The following LCLAT1 variants were observed in gnomAD, a reference collection of about 807,000 sequenced individuals.
LCLAT1 encodes lysocardiolipin acyltransferase 1, also known as 1-AGP acyltransferase 8.
LCLAT1 carries 11 observed loss-of-function variants against 30.7 expected under a neutral mutation model. The ratio of observed to expected loss-of-function variants is 0.36; its 90% CI spans 0.23 to 0.59. LCLAT1 has a LOEUF of 0.59. Among genes scored for constraint, LCLAT1 ranks in the 20% least tolerant of loss-of-function variants. LCLAT1 has a pLI of 0.77. For synonymous variants in LCLAT1, 155 were observed against 151.3 expected, an observed-to-expected ratio of 1.02 and a Z score of -0.18; for missense variants, 402 against 458.6, an observed-to-expected ratio of 0.88 and a Z score of 1.13.
intron 5 of LCLAT1, among the ~76,000 whole-genome samples, chr2:30,610,442 GATTTA>G (rs1667682796): frequency 6.6e-6 from 1 of 152,214 alleles, no homozygotes; most frequent in Non-Finnish European, 1.5e-5. Context: ...AGTACAGACT[GATTTA>G]ATTTAACATG....
chr2:30,490,896 T>C (rs1470169265), intron 1 of LCLAT1, among the ~76,000 whole-genome samples: 1 of 152,190 alleles, frequency 6.6e-6, no homozygotes, highest in East Asian at 1.9e-4. Flanking sequence ...GTTGTAAGTA[T>C]AAAATACACA....
intron 3 of LCLAT1, among the ~76,000 whole-genome samples, chr2:30,558,431 C>T (rs1665033093): frequency 6.6e-6 from 1 of 151,962 alleles, no homozygotes; most frequent in African/African-American, 2.4e-5. Context: ...AAAACCCCGT[C>T]TCTACTAAAA....
intron 1 of LCLAT1, among the ~76,000 whole-genome samples, chr2:30,485,210 T>C (rs1437996917): frequency 6.6e-6 from 1 of 152,176 alleles, no homozygotes; most frequent in Non-Finnish European, 1.5e-5. Context: ...TTTCCATGCA[T>C]GGTTGGCTTC....
chr2:30,481,812 T>C (rs139480089), intron 1 of LCLAT1, among the ~76,000 whole-genome samples: 1 of 152,224 alleles, frequency 6.6e-6, no homozygotes, highest in African/African-American at 2.4e-5. Flanking sequence ...ATGTATACTT[T>C]GCTACCCCAG....
In LCLAT1 at chr2:30,494,922, G is replaced by A. The variant is rs145281455; in HGVS notation, c.-4-30665G>A. ...TATTTATCTTAATGATTCCAGGTTC[G>A]TTTCACGATATAACCATTTCATGAA... On this transcript the variant is annotated intron_variant, in intron 1 of 5. Coordinates refer to ENST00000379509, the MANE Select transcript of LCLAT1 (RefSeq NM_001002257.3). 4.2e-4 allele frequency among the ~76,000 whole-genome samples: 61 copies of A among 145,838 alleles called. No individual in the cohort carries two copies. In the East Asian group the frequency reaches 4.2e-3, roughly 10 times the overall value.
chr2:30,546,928 T>C (rs1270794059), intron 3 of LCLAT1, among the ~76,000 whole-genome samples: 1 of 152,110 alleles, frequency 6.6e-6, no homozygotes. Context: ...ATTCATCTTA[T>C]TGATGAATGT....
intron 5 of LCLAT1, among the ~76,000 whole-genome samples, chr2:30,620,256 A>G (rs1668178182): frequency 6.6e-6 from 1 of 152,130 alleles, no homozygotes; most frequent in African/African-American, 2.4e-5. Flanking sequence ...CAGCCCCTGT[A>G]TGTGATCATC....
At chr2:30,481,754 A>G (rs1357139260) in intron 1 of LCLAT1, among the ~76,000 whole-genome samples, 1 of 152,182 alleles carries the variant, frequency 6.6e-6, no homozygotes, top group Non-Finnish European at 1.5e-5. Context: ...GAGGAAGCAG[A>G]GACCGTGTAT....
At chr2:30,493,065 T>G (rs892469213) in intron 1 of LCLAT1, among the ~76,000 whole-genome samples, 8 of 152,114 alleles carry the variant, frequency 5.3e-5, no homozygotes, top group Non-Finnish European at 1.2e-4. Flanking sequence ...GAAAGACACC[T>G]CCCTCCCAGG....
intron 1 of LCLAT1, among the ~76,000 whole-genome samples, chr2:30,462,630 G>A (rs775257033): frequency 5.9e-5 from 9 of 152,210 alleles, no homozygotes; most frequent in Non-Finnish European, 1.3e-4. Context: ...TTGCAGCATA[G>A]TCTTTTAACT....
chr2:30,472,570 A>C (rs1558459957), intron 1 of LCLAT1, among the ~76,000 whole-genome samples: 1 of 152,184 alleles, frequency 6.6e-6, no homozygotes, highest in Non-Finnish European at 1.5e-5. Flanking sequence ...AAGTGCCCCT[A>C]GTGTCAGAAT....
At chr2:30,622,953 C>CA (rs1194067499) in intron 5 of LCLAT1, among the ~76,000 whole-genome samples, 1 of 151,904 alleles carries the variant, frequency 6.6e-6, no homozygotes, top group East Asian at 1.9e-4. Context: ...AAAACCAAGG[C>CA]AAAATCTCTG....
Position 30,640,294 on chromosome 2 carries a change from G to T in LCLAT1, c.806G>T (p.Arg269Leu). The T allele has an allele frequency of 6.2e-7, 1 of 1,614,132 alleles. No individual in the cohort carries two copies. The highest frequency in any genetic ancestry group is 2.2e-5 in the East Asian group (1 of 44,884). ...GACCTTCAACTCTGGTGCCACAAAC[G>T]GTGGGAAGAGAAAGAAGAGAGGCTG... ...KEDLQLWCHK[R>L]WEEKEERLRS... is the part of the protein sequence containing the mutation. The change falls in exon 6 of 6, where the codon CGG (arginine) becomes CTG (leucine). Residue 269 changes from arginine to leucine, a missense_variant. Physicochemically the swap from Arg to Leu is moderately radical, Grantham distance 102. Transcript: ENST00000379509.
chr2:30,458,893 A>G (rs1403461796), intron 1 of LCLAT1, among the ~76,000 whole-genome samples: 1 of 152,238 alleles, frequency 6.6e-6, no homozygotes, highest in East Asian at 1.9e-4. Context: ...AAGCTTACCT[A>G]TATACCTATA....
intron 3 of LCLAT1, among the ~76,000 whole-genome samples, chr2:30,540,041 A>G (rs1167107288): frequency 6.6e-6 from 1 of 152,214 alleles, no homozygotes; most frequent in African/African-American, 2.4e-5. Context: ...TAACAGGTAC[A>G]TTGTACAAAA....
At chr2:30,602,457 G>T (rs879249001) in intron 5 of LCLAT1, among the ~76,000 whole-genome samples, 1 of 152,078 alleles carries the variant, frequency 6.6e-6, no homozygotes, top group Non-Finnish European at 1.5e-5. Context: ...ATTTTGTTTC[G>T]GTGGTCCCCA....
At chr2:30,449,440 C>A (rs556015512) in intron 1 of LCLAT1, among the ~76,000 whole-genome samples, 2 of 150,926 alleles carry the variant, frequency 1.3e-5, no homozygotes, top group East Asian at 1.9e-4. Flanking sequence ...GTGGTATATT[C>A]TTCTTACTTG....
intron 3 of LCLAT1, among the ~76,000 whole-genome samples, chr2:30,553,898 A>G (rs980541333): frequency 6.6e-6 from 1 of 152,254 alleles, no homozygotes; most frequent in Admixed American, 6.5e-5. Context: ...AGAAATATGA[A>G]ATAAATGTCA....
chr2:30,464,757 C>G (rs1251770282), intron 1 of LCLAT1, among the ~76,000 whole-genome samples: 1 of 152,164 alleles, frequency 6.6e-6, no homozygotes, highest in Non-Finnish European at 1.5e-5. Context: ...TTTGCAGTGT[C>G]TAGGGTCAGA....
Sources: gnomAD v4.1 joint callset for allele counts (sites outside exome capture counted in the v4.1 genomes callset) on GRCh38, gnomAD v4.1.1 for gene constraint, MANE v1.5 for transcripts, NCBI Gene and HGNC (gene_info 2026-07-23, HGNC 2026-07-21) for gene names.